UBE2V2: variants seen among roughly 807,000 people sequenced by gnomAD.
The protein encoded by UBE2V2 is ubiquitin-conjugating enzyme E2 variant 2.
In UBE2V2, 9 loss-of-function variants were observed where a neutral mutation model predicts 17.2. That is an observed-to-expected ratio of 0.52 (90% CI 0.32 to 0.91). UBE2V2 has a LOEUF of 0.91. UBE2V2 is among the 40% of genes least tolerant of loss of function. The pLI, the probability that UBE2V2 is intolerant of heterozygous loss-of-function variation, is 0.04. For synonymous variants in UBE2V2, 61 were observed against 57.5 expected, an observed-to-expected ratio of 1.06 and a Z score of -0.28; for missense variants, 133 against 182.6, an observed-to-expected ratio of 0.73 and a Z score of 1.56.
intron 2 of UBE2V2, among the ~76,000 whole-genome samples, chr8:48,046,587 T>G (rs770776967): frequency 3.3e-5 from 5 of 152,080 alleles, no homozygotes; most frequent in African/African-American, 4.8e-5. Context: ...GTTACATGGT[T>G]CGTTGTTTTT....
In UBE2V2 at chr8:48,025,119, A is replaced by G. The variant is rs1196692064; in HGVS notation, c.16+16649A>G. ...CCGGCTAGCTTGTTGTATTTTTAGTAGAAACGGGGTTTCACCGTGTTAGCC... is the reference window on the plus strand; with the variant it reads ...CCGGCTAGCTTGTTGTATTTTTAGTGGAAACGGGGTTTCACCGTGTTAGCC... On this transcript the variant is annotated intron_variant, in intron 1 of 3. Transcript: ENST00000523111. 2.0e-5 allele frequency among the ~76,000 whole-genome samples: 3 copies of G among 151,852 alleles called. No homozygotes were observed. The East Asian group carries it at 5.8e-4, about 29-fold the overall frequency.
At chr8:48,039,708 C>T (rs963756346) in intron 1 of UBE2V2, among the ~76,000 whole-genome samples, 1 of 151,940 alleles carries the variant, frequency 6.6e-6, no homozygotes, top group African/African-American at 2.4e-5. Context: ...GTAAAGTGTT[C>T]CAACACCATT....
chr8:48,020,610 G>A (rs2091298304), intron 1 of UBE2V2, among the ~76,000 whole-genome samples: 1 of 152,000 alleles, frequency 6.6e-6, no homozygotes, highest in African/African-American at 2.4e-5. Context: ...ATTTTCTCTA[G>A]TAGTATGTTT....
intron 1 of UBE2V2, chr8:48,035,047 C>T (rs2091412470): frequency 5.1e-6 from 5 of 984,694 alleles, no homozygotes; most frequent in Non-Finnish European, 6.0e-6. Flanking sequence ...CAGAAGTTAG[C>T]ATTCCTCTTA....
At chr8:48,001,759 A>G in the UBE2V2 span, among the ~76,000 whole-genome samples, 1 of 152,234 alleles carries the variant, frequency 6.6e-6, no homozygotes, top group Non-Finnish European at 1.5e-5. Flanking sequence ...AGGAACTCAA[A>G]CAACTCAAAA....
At chr8:48,046,482 A>G (rs749194320) in intron 2 of UBE2V2, among the ~76,000 whole-genome samples, 2 of 151,944 alleles carry the variant, frequency 1.3e-5, no homozygotes, top group Admixed American at 6.6e-5. Flanking sequence ...CAGACTCCCG[A>G]CCTCAGATGA....
Position 48,063,386 on chromosome 8 carries a change from T to A in UBE2V2, c.*2558T>A, listed in dbSNP as rs891082044. The stretch of plus-strand genomic sequence containing the variant: ...TAATTATAATAACATTTGGAAGAAA[T>A]TTTTCCTTTGTTTTGTAAAGTGGCT... On this transcript the variant is annotated 3_prime_UTR_variant, in exon 4 of 4. Coordinates refer to ENST00000523111, the MANE Select transcript of UBE2V2 (RefSeq NM_003350.3). The A allele has an allele frequency of 2.6e-5, 4 of 152,200 alleles. No homozygotes were observed. Among genetic ancestry groups the A allele is most frequent in the African/African-American group, 9.7e-5 (4 of 41,438 alleles). 9.4% of individuals were successfully genotyped at this position (152,200 alleles called of 1,614,324 possible). A position where few individuals can be genotyped will look rare whatever the true frequency, so the allele number is the denominator to read the frequency against.
intron 1 of UBE2V2, among the ~76,000 whole-genome samples, chr8:48,033,242 A>G (rs1384002619): frequency 1.3e-5 from 2 of 151,344 alleles, no homozygotes; most frequent in African/African-American, 2.4e-5. Flanking sequence ...GCTGGAGTGC[A>G]GTGGTGTGAT....
chr8:48,008,356 C>T, upstream of UBE2V2: 1 of 1,418,294 alleles, frequency 7.1e-7, no homozygotes, highest in South Asian at 1.5e-5. Flanking sequence ...CCGCCGGGGG[C>T]GGAGTCCGCT....
chr8:48,060,507 A>C (rs961745374), intron 3 of UBE2V2, among the ~76,000 whole-genome samples, 175 bp from the exon 4 acceptor site: 1 of 152,180 alleles, frequency 6.6e-6, no homozygotes, highest in African/African-American at 2.4e-5. Context: ...AAAATATTAA[A>C]CTAATTATGA....
At chr8:48,056,132 C>T (rs936613846) in intron 3 of UBE2V2, among the ~76,000 whole-genome samples, 5 of 152,064 alleles carry the variant, frequency 3.3e-5, no homozygotes, top group South Asian at 2.1e-4. Context: ...TGTTCTTTGG[C>T]GACTTAACGT....
At chr8:48,016,999 T>C (rs2091273534) in intron 1 of UBE2V2, among the ~76,000 whole-genome samples, 1 of 148,006 alleles carries the variant, frequency 6.8e-6, no homozygotes, top group Admixed American at 6.8e-5. Context: ...TTGGCCAGGC[T>C]AGGCTGGTCT....
chr8:48,049,441 A>G (rs2091520749), intron 2 of UBE2V2: 1 of 165,088 alleles, frequency 6.1e-6, no homozygotes, highest in Non-Finnish European at 1.3e-5. Context: ...AGAAACCTTC[A>G]TATATGTTTA....
chr8:48,049,801 T>C, intron 2 of UBE2V2, 52 bp from the exon 3 acceptor site: 2 of 1,513,980 alleles, frequency 1.3e-6, no homozygotes, highest in South Asian at 2.4e-5. Context: ...ACTTAGACAT[T>C]AATATTTTAG....
the UBE2V2 span, among the ~76,000 whole-genome samples, chr8:48,001,227 T>C: frequency 6.6e-6 from 1 of 152,148 alleles, no homozygotes; most frequent in East Asian, 1.9e-4. Flanking sequence ...AGCCTGCTTG[T>C]CATTCCTTTC....
At chr8:48,006,520 C>T (rs1050036302), upstream of UBE2V2, among the ~76,000 whole-genome samples, 1 of 152,068 alleles carries the variant, frequency 6.6e-6, no homozygotes, top group Non-Finnish European at 1.5e-5. Context: ...CCCTGATGAA[C>T]ATTGATGCGA....
At chr8:48,046,132 T>G (rs1050580660) in intron 2 of UBE2V2, among the ~76,000 whole-genome samples, 1 of 152,000 alleles carries the variant, frequency 6.6e-6, no homozygotes, top group South Asian at 2.1e-4. Context: ...TTTTATTTTT[T>G]TTTTTGAGAC....
the UBE2V2 span, among the ~76,000 whole-genome samples, chr8:48,002,108 A>C: frequency 6.6e-6 from 1 of 152,128 alleles, no homozygotes; most frequent in Non-Finnish European, 1.5e-5. Flanking sequence ...AAAGGGCAAC[A>C]GATCCAAAAA....
rs72633915 is a variant in UBE2V2, at chr8:48,063,166, A to G, written c.*2338A>G. Reference sequence around the variant, plus strand: ...AACCCCCTGCCGCCTTCCCCTGCCAAGTACATGTTGTCAGAGTCAGCCCTA... The same window carrying G: ...AACCCCCTGCCGCCTTCCCCTGCCAGGTACATGTTGTCAGAGTCAGCCCTA... On this transcript the variant is annotated 3_prime_UTR_variant, in exon 4 of 4. Transcript: ENST00000523111. The G allele has an allele frequency of 0.044, 6,758 of 152,290 alleles. 227 individuals carry two copies. The highest frequency in any genetic ancestry group is 0.068 in the Non-Finnish European group (4,620 of 68,046). 9.4% of individuals were successfully genotyped at this position (152,290 alleles called of 1,614,324 possible).
Sources: gnomAD v4.1 joint callset for allele counts (sites outside exome capture counted in the v4.1 genomes callset) on GRCh38, gnomAD v4.1.1 for gene constraint, MANE v1.5 for transcripts, NCBI Gene and HGNC (gene_info 2026-07-23, HGNC 2026-07-21) for gene names.